The following ANO9 variants were observed in gnomAD, a reference collection of about 807,000 sequenced individuals.
ANO9 encodes anoctamin 9, also known as anoctamin-9.
In ANO9, 80 loss-of-function variants were observed where a neutral mutation model predicts 100.5. The observed-to-expected ratio is 0.80, with a 90% CI of 0.66 to 0.96. The LOEUF is 0.96. ANO9 is among the 40% of genes least tolerant of loss of function. The pLI, the probability that ANO9 is intolerant of heterozygous loss-of-function variation, is 0.00. For missense variants in ANO9, 1,064 were observed against 1,072.7 expected (o/e 0.99, Z 0.11); for synonymous variants, 473 against 435.6 (o/e 1.09, Z -1.07).
Position 422,138 on chromosome 11 carries a change from AC to A in ANO9, c.1335-941del, listed in dbSNP as rs1253320160. Among the ~76,000 whole-genome samples the A allele has an allele frequency of 6.6e-6, 1 of 152,192 alleles. No homozygotes were observed. The highest frequency in any genetic ancestry group is 2.4e-5 in the African/African-American group (1 of 41,446). The stretch of plus-strand genomic sequence containing the variant: ...AACATGGCATGAGAAAGTATCGGTC[AC>A]CCGCAGACACCAGCACAAGTTATAC... On this transcript the variant is annotated intron_variant, in intron 15 of 22. Transcript: ENST00000332826. This position sits in a 1 kb window ranked among gnomAD's most constrained non-coding sequence, Gnocchi z 4.3.
chr11:419,754 G>C, intron 19 of ANO9, 25 bp from the exon 20 acceptor site: 1 of 1,583,686 alleles, frequency 6.3e-7, no homozygotes, highest in Non-Finnish European at 8.6e-7. Flanking sequence ...TGGGCAAGCG[G>C]TCTGACTCAG....
intron 15 of ANO9, among the ~76,000 whole-genome samples, chr11:427,719 C>T (rs563960822): frequency 2.0e-5 from 3 of 151,886 alleles, no homozygotes; most frequent in Non-Finnish European, 4.4e-5. Context: ...CTCTCTCTCT[C>T]TCTCTCTCAT....
rs1458063184 is a variant in ANO9, at chr11:430,753, G to A, written c.540-350C>T. On this transcript the variant is annotated intron_variant, in intron 7 of 22. Coordinates refer to ENST00000332826, the MANE Select transcript of ANO9 (RefSeq NM_001012302.3). ...GGAGCATCTTCTGGGTGGTGTGTGGGGGCGTTTACAGGAGGTGGTGGCTTC... is the reference window on the plus strand; with the variant it reads ...GGAGCATCTTCTGGGTGGTGTGTGGAGGCGTTTACAGGAGGTGGTGGCTTC... Among the ~76,000 whole-genome samples, 3 of 108,604 alleles carry A rather than the reference G, an allele frequency of 2.8e-5. No individual in the cohort carries two copies. The East Asian group carries it at 7.9e-4, about 29-fold the overall frequency. 71.2% of individuals were successfully genotyped at this position (108,604 alleles called of 152,430 possible).
intron 15 of ANO9, among the ~76,000 whole-genome samples, chr11:424,278 C>A (rs533722356): frequency 1.3e-5 from 2 of 152,338 alleles, no homozygotes; most frequent in Non-Finnish European, 2.9e-5. Flanking sequence ...AAAATTTGCT[C>A]TAGTGTAACA....
At chr11:439,756 G>A (rs765851210) in intron 1 of ANO9, among the ~76,000 whole-genome samples, 6 of 152,194 alleles carry the variant, frequency 3.9e-5, no homozygotes, top group Non-Finnish European at 8.8e-5. Flanking sequence ...TCTCGCCTCT[G>A]CCCAGCCCAC....
chr11:423,881 A>G (rs1311906439), intron 15 of ANO9, among the ~76,000 whole-genome samples: 1 of 112,908 alleles, frequency 8.9e-6, no homozygotes, highest in East Asian at 2.8e-4. Context: ...TCACAGTTGA[A>G]TACTCACACA....
intron 1 of ANO9, among the ~76,000 whole-genome samples, chr11:440,197 C>T (rs1195290915): frequency 6.6e-6 from 1 of 152,136 alleles, no homozygotes; most frequent in Non-Finnish European, 1.5e-5. Flanking sequence ...ACTCAGCACT[C>T]GGCACCTACG....
chr11:435,771 G>GTAGTC (rs796425254), intron 1 of ANO9, among the ~76,000 whole-genome samples: 2 of 145,106 alleles, frequency 1.4e-5, no homozygotes, highest in Non-Finnish European at 3.0e-5. Context: ...CTAGTATGGT[G>GTAGTC]TAGTCTAGTC....
chr11:429,851 T>G (rs1356676273), intron 9 of ANO9, 33 bp from the exon 10 acceptor site: 5 of 1,306,000 alleles, frequency 3.8e-6, no homozygotes, highest in Non-Finnish European at 5.0e-6. Flanking sequence ...GGAGAGGAGG[T>G]GGGTGAGCTG....
intron 1 of ANO9, among the ~76,000 whole-genome samples, chr11:436,366 C>T (rs1223884866): frequency 4.6e-5 from 7 of 152,042 alleles, no homozygotes; most frequent in African/African-American, 1.4e-4. Flanking sequence ...CACGCCCGGC[C>T]CTGTTTCTTA....
chr11:441,498 G>A (rs894825462), intron 1 of ANO9, among the ~76,000 whole-genome samples: 5 of 152,052 alleles, frequency 3.3e-5, no homozygotes, highest in Non-Finnish European at 5.9e-5. Flanking sequence ...CCTGCCTGGT[G>A]CCCACAGCCC....
Position 430,317 on chromosome 11 carries a change from A to G in ANO9, c.626T>C (p.Leu209Pro). ...CGAGAATCCGCTCAGAAAGACTAAG[A>G]GGCCCGTCAGGGCGGCCGGCACCAG... ...YMLVPAALTG[L>P]LVFLSGFSLF... Residue 209 changes from leucine to proline, a missense_variant, in exon 8 of 23, where the codon CTC becomes CCC. Physicochemically the swap from Leu to Pro is moderately conservative, Grantham distance 98. Coordinates refer to ENST00000332826, the MANE Select transcript of ANO9 (RefSeq NM_001012302.3). The G allele has an allele frequency of 6.2e-7, 1 of 1,607,890 alleles. No homozygotes were observed. The highest frequency in any genetic ancestry group is 8.5e-7 in the Non-Finnish European group (1 of 1,178,204).
rs1376995585 is a variant in ANO9, at chr11:418,527, C to T, written c.2193G>A (p.Val731=). The change falls in exon 23 of 23, where the codon GTG becomes GTA. Residue 731 remains valine (V), a synonymous_variant. Coordinates refer to ENST00000332826, the MANE Select transcript of ANO9 (RefSeq NM_001012302.3). ...ACTTCACCTCCAGAACCTTGTTCTT[C>T]ACCGACTGAGGGATGTCGGGCACGA... is the stretch of plus-strand genomic sequence containing the variant. ...AWFVPDIPQS[V]KNKVLEVKYQ... 2 of 1,613,046 alleles carry T rather than the reference C, an allele frequency of 1.2e-6. No homozygotes were observed. Among genetic ancestry groups the T allele is most frequent in the Non-Finnish European group, 1.7e-6 (2 of 1,180,000 alleles).
chr11:437,903 G>A (rs967843533), intron 1 of ANO9, among the ~76,000 whole-genome samples: 1 of 152,216 alleles, frequency 6.6e-6, no homozygotes, highest in Non-Finnish European at 1.5e-5. Context: ...CCTCACATCA[G>A]CCTGGGCCGA....
chr11:420,479 G>T lies in ANO9; in HGVS notation c.1770C>A (p.Arg590=), dbSNP rs966501762. 1 of 1,603,148 alleles carries T rather than the reference G, an allele frequency of 6.2e-7. No individual in the cohort carries two copies. Among genetic ancestry groups the T allele is most frequent in the African/African-American group, 1.3e-5 (1 of 75,044 alleles). ...CGGTCTGACCGATGTCCTTGGCCTTGCGCGGCACCAGGCGCCGCTGCAACC... is the reference window on the plus strand; with the variant it reads ...CGGTCTGACCGATGTCCTTGGCCTTTCGCGGCACCAGGCGCCGCTGCAACC... The part of the protein sequence containing the change: ...MVWLQRRLVP[R]KAKDIGTWLQ... The change falls in exon 19 of 23, where the codon CGC becomes CGA. Residue 590 remains arginine, a synonymous_variant. Transcript: ENST00000332826.
In ANO9 at chr11:421,638, C is replaced by T. The variant is rs143786767; in HGVS notation, c.1335-440G>A. Among the ~76,000 whole-genome samples the T allele has an allele frequency of 9.5e-3, 1,430 of 150,606 alleles. 22 individuals carry two copies. The highest frequency in any genetic ancestry group is 0.062 in the East Asian group (315 of 5,058). On this transcript the variant is annotated intron_variant, in intron 15 of 22. Transcript: ENST00000332826. The surrounding 1 kb of genome is among the most constrained non-coding windows in gnomAD (Gnocchi z 6.8). ...CCACAGGCTCCCAGACGAACCGCAC[C>T]TGCACGTGGGCGCACACACACACAC...
Position 430,070 on chromosome 11 carries a change from G to T in ANO9, c.771+13C>A. 1 of 1,549,062 alleles carries T rather than the reference G, an allele frequency of 6.5e-7. No homozygotes were observed. Among genetic ancestry groups the T allele is most frequent in the Non-Finnish European group, 8.7e-7 (1 of 1,146,708 alleles). ...CTTCCGCAGGCCCTGGGGTGGACCC[G>T]GAGGCGACAAACCTTGGCAAAAGTG... On this transcript the variant is annotated intron_variant, in intron 9 of 22. Transcript: ENST00000332826.
chr11:432,127 G>C lies in ANO9; in HGVS notation c.351-73C>G. 3 of 1,538,364 alleles carry C rather than the reference G, an allele frequency of 2.0e-6. No homozygotes were observed. The highest frequency in any genetic ancestry group is 2.7e-6 in the Non-Finnish European group (3 of 1,122,792). ...CCTCCAGGTCTCAACCTGCCCTCTG[G>C]TCTGGCCAGGCCCAGGCCCCTCCCT... On this transcript the variant is annotated intron_variant, in intron 4 of 22. Transcript: ENST00000332826. The surrounding 1 kb of genome is among the most constrained non-coding windows in gnomAD (Gnocchi z 4.8).
chr11:420,939 A>G lies in ANO9; in HGVS notation c.1490+6T>C. The G allele has an allele frequency of 2.5e-6, 4 of 1,602,654 alleles. No individual in the cohort carries two copies. The highest frequency in any genetic ancestry group is 2.2e-5 in the South Asian group (2 of 90,720). ...CTCCCGGGGCTGGGCGGGGGTCGGC[A>G]CTCACGGGACCAGGTACTCGACGCA... On this transcript the variant is annotated splice_donor_region_variant and intron_variant, in intron 17 of 22. Transcript: ENST00000332826.
Sources: gnomAD v4.1 joint callset for allele counts (sites outside exome capture counted in the v4.1 genomes callset) on GRCh38, gnomAD v4.1.1 for gene constraint, Gnocchi (gnomAD v3.1) non-coding constraint, MANE v1.5 for transcripts, NCBI Gene and HGNC (gene_info 2026-07-23, HGNC 2026-07-21) for gene names.